Variants in BARHL1 observed in about 807,000 individuals in gnomAD.
BARHL1 encodes the protein BarH like homeobox 1, also known as barH-like 1 homeobox protein.
In BARHL1, 2 loss-of-function variants were observed where a neutral mutation model predicts 20.1. That is an observed-to-expected ratio of 0.10 (90% CI 0.04 to 0.31). The LOEUF (loss-of-function observed/expected upper bound fraction) is 0.31, where lower values mean the gene tolerates loss of function less well. Among genes scored for constraint, BARHL1 ranks in the 10% least tolerant of loss-of-function variants. The probability of loss-of-function intolerance (pLI) is 1.00; values close to 1 mark genes in which losing one functional copy is unlikely to be tolerated. For synonymous variants in BARHL1, 213 were observed against 209.9 expected, an observed-to-expected ratio of 1.01 and a Z score of -0.13; for missense variants, 397 against 454.0, an observed-to-expected ratio of 0.87 and a Z score of 1.14.
At chr9:132,585,280 G>A (rs1385098634) in intron 1 of BARHL1, among the ~76,000 whole-genome samples, 6 of 152,120 alleles carry the variant, frequency 3.9e-5, no homozygotes, top group African/African-American at 1.4e-4. Flanking sequence ...CTTGTCTGGA[G>A]CGTTTCTCAA....
chr9:132,587,289 G>GGCT lies in BARHL1; in HGVS notation c.467-37_467-35dup. 6.5e-7 allele frequency: 1 copy of GGCT among 1,538,168 alleles called. No homozygotes were observed. Among genetic ancestry groups the GGCT allele is most frequent in the South Asian group, 1.2e-5 (1 of 83,690 alleles). On this transcript the variant is annotated intron_variant, in intron 1 of 2. Transcript: ENST00000263610. The surrounding 1 kb of genome is among the most constrained non-coding windows in gnomAD (Gnocchi z 5.5). Reference sequence around the variant, plus strand: ...GCAGGAGCGGGAGGGCACCGGCGGCGGCTGCGAGGCCGGGCCCTGACATGC... The same window carrying GGCT: ...GCAGGAGCGGGAGGGCACCGGCGGCGGCTGCTGCGAGGCCGGGCCCTGACATGC...
rs1830090260 is a variant in BARHL1 at position 132,582,910 on chromosome 9, T to A, written c.113T>A (p.Leu38Gln). The change falls in exon 1 of 3, where the codon CTG becomes CAG. Residue 38 changes from leucine (L) to glutamine (Q), a missense_variant. Physicochemically the swap from Leu to Gln is moderately radical, Grantham distance 113. This residue lies in a region of BARHL1 where 272 missense variants were observed against 298.7 expected (regional missense o/e 0.91). Coordinates refer to ENST00000263610, the MANE Select transcript of BARHL1 (RefSeq NM_020064.4). ...GGGGACTGCCGTTCGCCCCTGGAGC[T>A]GAGTCCACGCTCAGAGAGCAGCAGC... is the stretch of plus-strand genomic sequence containing the variant. Reference protein sequence around the residue: ...LLGDCRSPLELSPRSESSSDC... With the variant: ...LLGDCRSPLEQSPRSESSSDC... The A allele has an allele frequency of 6.2e-7, 1 of 1,613,512 alleles. No homozygotes were observed. Among genetic ancestry groups the A allele is most frequent in the African/African-American group, 1.3e-5 (1 of 75,060 alleles).
Position 132,587,950 on chromosome 9 carries a change from G to A in BARHL1, c.689+399G>A, listed in dbSNP as rs1179048733. On this transcript the variant is annotated intron_variant, in intron 2 of 2. Coordinates refer to ENST00000263610, the MANE Select transcript of BARHL1 (RefSeq NM_020064.4). The surrounding 1 kb of genome is among the most constrained non-coding windows in gnomAD (Gnocchi z 5.5). ...TTGATGCCCAGGAAGCCTGTGAAGA[G>A]GACGGCCAGGCAGTGGCCCTTGGGG... 6.6e-6 allele frequency among the ~76,000 whole-genome samples: 1 copy of A among 152,234 alleles called. No individual in the cohort carries two copies. The highest frequency in any genetic ancestry group is 2.4e-5 in the African/African-American group (1 of 41,452).
At chr9:132,583,492 G>C (rs987487485) in intron 1 of BARHL1, among the ~76,000 whole-genome samples, 2 of 152,194 alleles carry the variant, frequency 1.3e-5, no homozygotes, top group Admixed American at 1.3e-4. Flanking sequence ...CTGCGTGCCC[G>C]AGAGGAGATT....
chr9:132,589,829 T>G lies in BARHL1; in HGVS notation c.*307T>G. The stretch of plus-strand genomic sequence containing the variant: ...CACCCCCAGCCTCTGCCGGCTCCCC[T>G]AGGCAACCCCTTTCTCCCCAGGAGC... On this transcript the variant is annotated 3_prime_UTR_variant, in exon 3 of 3. Coordinates refer to ENST00000263610, the MANE Select transcript of BARHL1 (RefSeq NM_020064.4). 7.8e-6 allele frequency: 2 copies of G among 258,054 alleles called. No homozygotes were observed. Among genetic ancestry groups the G allele is most frequent in the East Asian group, 7.4e-5 (1 of 13,582 alleles). 16.0% of individuals were successfully genotyped at this position (258,054 alleles called of 1,614,324 possible).
rs1830089877 is a variant in BARHL1 at position 132,582,875 on chromosome 9, C to A, written c.78C>A (p.Asp26Glu). 4.3e-6 allele frequency: 7 copies of A among 1,612,860 alleles called. No individual in the cohort carries two copies. Among genetic ancestry groups the A allele is most frequent in the Non-Finnish European group, 5.9e-6 (7 of 1,179,894 alleles). Reference sequence around the variant, plus strand: ...GCAGCCCCGCCCTTCCCAAGGGGGACCCCTTGCTCGGGGACTGCCGTTCGC... The same window carrying A: ...GCAGCCCCGCCCTTCCCAAGGGGGAACCCTTGCTCGGGGACTGCCGTTCGC... ...RAGSPALPKGDPLLGDCRSPL... is the reference protein window; with the variant it reads ...RAGSPALPKGEPLLGDCRSPL... Residue 26 changes from aspartate (D) to glutamate (E), a missense_variant, in exon 1 of 3, where the codon GAC becomes GAA. Physicochemically the swap from Asp to Glu is conservative, Grantham distance 45 (BLOSUM62 2). Transcript: ENST00000263610.
chr9:132,587,177 C>T lies in BARHL1; in HGVS notation c.467-152C>T. 1.3e-6 allele frequency: 1 copy of T among 776,310 alleles called. No homozygotes were observed. The highest frequency in any genetic ancestry group is 2.5e-5 in the Admixed American group (1 of 40,410). 48.1% of individuals were successfully genotyped at this position (776,310 alleles called of 1,614,324 possible). On this transcript the variant is annotated intron_variant, in intron 1 of 2. Transcript: ENST00000263610. This position sits in a 1 kb window ranked among gnomAD's most constrained non-coding sequence, Gnocchi z 5.5. ...GGTTCATGTCCTGTTCCCGGGGCCC[C>T]AGAGGTCCCGTCTGAGAGCGGCCCC...
intron 1 of BARHL1, among the ~76,000 whole-genome samples, chr9:132,584,942 A>G (rs532439184): frequency 1.4e-3 from 208 of 152,328 alleles, no homozygotes; most frequent in Non-Finnish European, 2.2e-3. Flanking sequence ...TGCAACAAGA[A>G]CGGCCCCGCT....
rs1170180581 is a variant in BARHL1, at chr9:132,582,919, G to A, written c.122G>A (p.Arg41His). 2.5e-6 allele frequency: 4 copies of A among 1,613,534 alleles called. No homozygotes were observed. The South Asian group carries it at 3.3e-5, about 13-fold the overall frequency. The change falls in exon 1 of 3, where the codon CGC becomes CAC. Residue 41 changes from arginine to histidine, a missense_variant. By Grantham distance (29) the Arg-to-His change is conservative. Around this residue, in one of 3 missense-constraint regions of BARHL1, gnomAD observed 272 missense variants for 298.7 expected, o/e 0.91. Coordinates refer to ENST00000263610, the MANE Select transcript of BARHL1 (RefSeq NM_020064.4). Reference protein sequence around the residue: ...DCRSPLELSPRSESSSDCSSP... With the variant: ...DCRSPLELSPHSESSSDCSSP... Reference sequence around the variant, plus strand: ...CGTTCGCCCCTGGAGCTGAGTCCACGCTCAGAGAGCAGCAGCGACTGCTCT... The same window carrying A: ...CGTTCGCCCCTGGAGCTGAGTCCACACTCAGAGAGCAGCAGCGACTGCTCT...
rs541947041 is a variant in BARHL1, at chr9:132,587,904, G to A, written c.689+353G>A. Among the ~76,000 whole-genome samples the A allele has an allele frequency of 1.2e-3, 184 of 152,334 alleles. No homozygotes were observed. The highest frequency in any genetic ancestry group is 2.0e-3 in the Admixed American group (31 of 15,312). ...CCAGCGTGGGTCTTGGAAGCCCCAGGCCCTTGGAGGGGTGACAGTCTTGAT... is the reference window on the plus strand; with the variant it reads ...CCAGCGTGGGTCTTGGAAGCCCCAGACCCTTGGAGGGGTGACAGTCTTGAT... On this transcript the variant is annotated intron_variant, in intron 2 of 2. Transcript: ENST00000263610. This position sits in a 1 kb window ranked among gnomAD's most constrained non-coding sequence, Gnocchi z 5.5.
chr9:132,589,741 C>T lies in BARHL1; in HGVS notation c.*219C>T. 2 of 563,362 alleles carry T rather than the reference C, an allele frequency of 3.6e-6. No individual in the cohort carries two copies. Among genetic ancestry groups the T allele is most frequent in the Non-Finnish European group, 5.1e-6 (2 of 389,692 alleles). The allele number at this position is 563,362 out of a possible 1,614,324, so 34.9% of individuals were successfully genotyped here. On this transcript the variant is annotated 3_prime_UTR_variant, in exon 3 of 3. Transcript: ENST00000263610. Reference sequence around the variant, plus strand: ...CAGCCCCCCTCGGCGTCCTCTCTCGCGGCCGCTCTGTCCGGGAGCCATCCC... The same window carrying T: ...CAGCCCCCCTCGGCGTCCTCTCTCGTGGCCGCTCTGTCCGGGAGCCATCCC...
rs368358949 is a variant in BARHL1, at chr9:132,587,474, C to T, written c.612C>T (p.Ser204=). The part of the protein sequence containing the change: ...ERSFERQKYL[S]VQDRMELAAS... ...GCTTCGAGCGGCAGAAGTACCTGAG[C>T]GTGCAGGACCGCATGGAGCTCGCCG... Residue 204 remains serine (S), a synonymous_variant, in exon 2 of 3, where the codon AGC becomes AGT. Transcript: ENST00000263610. The surrounding 1 kb of genome is among the most constrained non-coding windows in gnomAD (Gnocchi z 5.5). The T allele has an allele frequency of 9.2e-5, 148 of 1,612,340 alleles. No homozygotes were observed. Among genetic ancestry groups the T allele is most frequent in the South Asian group, 2.1e-4 (19 of 90,780 alleles).
chr9:132,587,374 C>T lies in BARHL1; in HGVS notation c.512C>T (p.Pro171Leu), dbSNP rs771745009. ...GAGATCTCCAGCTCCAGGGACAGTC[C>T]CCCGGTGCGCCTGAAAAAGCCACGC... ...DREISSSRDS[P>L]PVRLKKPRKA... The change falls in exon 2 of 3, where the codon CCC (proline) becomes CTC (leucine). Residue 171 changes from proline to leucine, a missense_variant. Physicochemically the swap from Pro to Leu is moderately conservative, Grantham distance 98. Transcript: ENST00000263610. The surrounding 1 kb of genome is among the most constrained non-coding windows in gnomAD (Gnocchi z 5.5). 7 of 1,611,326 alleles carry T rather than the reference C, an allele frequency of 4.3e-6. No individual in the cohort carries two copies. The African/African-American group carries it at 9.3e-5, about 22-fold the overall frequency.
intron 1 of BARHL1, among the ~76,000 whole-genome samples, chr9:132,585,562 C>T (rs548235289): frequency 2.6e-5 from 4 of 152,316 alleles, no homozygotes; most frequent in African/African-American, 9.6e-5. Context: ...AGAACCCAAA[C>T]CAGAGTTTTG....
In BARHL1 at chr9:132,587,109, G is replaced by C. The variant is rs1039767707; in HGVS notation, c.467-220G>C. 1.3e-5 allele frequency among the ~76,000 whole-genome samples: 2 copies of C among 152,236 alleles called. No individual in the cohort carries two copies. The highest frequency in any genetic ancestry group is 4.1e-4 in the South Asian group (2 of 4,836). On this transcript the variant is annotated intron_variant, in intron 1 of 2. Coordinates refer to ENST00000263610, the MANE Select transcript of BARHL1 (RefSeq NM_020064.4). The surrounding 1 kb of genome is among the most constrained non-coding windows in gnomAD (Gnocchi z 5.5). The stretch of plus-strand genomic sequence containing the variant: ...CTTTCTCCCCGGAGCTGCCCGGGGG[G>C]TCTCGGCCTCGGGCGCTCCCGCCGC...
At position 132,589,388 on chromosome 9, in the gene BARHL1, A is replaced by G. The variant is rs1830181936; in HGVS notation, c.850A>G (p.Ser284Gly). Residue 284 changes from serine to glycine, a missense_variant, in exon 3 of 3, where the codon AGC (serine) becomes GGC (glycine). By Grantham distance (56) the Ser-to-Gly change is moderately conservative. Around this residue, in one of 3 missense-constraint regions of BARHL1, gnomAD observed 121 missense variants for 135.9 expected, o/e 0.89. Transcript: ENST00000263610. ...GAALYLYRGPSAPPPALQRPL... is the reference protein window; with the variant it reads ...GAALYLYRGPGAPPPALQRPL... ...GGCGCTCTACCTGTACCGCGGCCCCAGCGCGCCGCCGCCTGCTCTCCAGAG... is the reference window on the plus strand; with the variant it reads ...GGCGCTCTACCTGTACCGCGGCCCCGGCGCGCCGCCGCCTGCTCTCCAGAG... The G allele has an allele frequency of 6.2e-7, 1 of 1,612,382 alleles. No individual in the cohort carries two copies. The highest frequency in any genetic ancestry group is 1.3e-5 in the African/African-American group (1 of 74,856).
rs1015080616 is a variant in BARHL1 at position 132,583,054 on chromosome 9, C to T, written c.257C>T (p.Pro86Leu). 5.0e-6 allele frequency: 8 copies of T among 1,613,866 alleles called. 1 individual carries two copies. The highest frequency in any genetic ancestry group is 4.4e-5 in the South Asian group (4 of 91,088). ...CTGCAGCCCGGGCAGCTCTCAGCCC[C>T]GGCCCAGTCGCGCACCGTCACCTCC... ...SHLQPGQLSA[P>L]AQSRTVTSSF... is the part of the protein sequence containing the mutation. Residue 86 changes from proline to leucine, a missense_variant, in exon 1 of 3, where the codon CCG (proline) becomes CTG (leucine). This residue lies in a region of BARHL1 where 272 missense variants were observed against 298.7 expected (regional missense o/e 0.91). Coordinates refer to ENST00000263610, the MANE Select transcript of BARHL1 (RefSeq NM_020064.4).
At position 132,587,385 on chromosome 9, in the gene BARHL1, C is replaced by T; in HGVS notation, c.523C>T (p.Leu175=). 1 of 1,612,090 alleles carries T rather than the reference C, an allele frequency of 6.2e-7. No individual in the cohort carries two copies. Among genetic ancestry groups the T allele is most frequent in the Non-Finnish European group, 8.5e-7 (1 of 1,179,650 alleles). ...SSSRDSPPVR[L]KKPRKARTAF... is the part of the protein sequence containing the mutation. ...CTCCAGGGACAGTCCCCCGGTGCGC[C>T]TGAAAAAGCCACGCAAGGCGCGCAC... Residue 175 remains leucine (L), a synonymous_variant, in exon 2 of 3, where the codon CTG becomes TTG. Transcript: ENST00000263610. The surrounding 1 kb of genome is among the most constrained non-coding windows in gnomAD (Gnocchi z 5.5).
Position 132,589,228 on chromosome 9 carries a change from G to A in BARHL1, c.690G>A (p.Arg230=). 1.9e-6 allele frequency: 3 copies of A among 1,610,534 alleles called. No individual in the cohort carries two copies. Among genetic ancestry groups the A allele is most frequent in the Non-Finnish European group, 1.7e-6 (2 of 1,178,680 alleles). ...CATACGCGTTTATTTCGGCCCCCAGGACTAAATGGAAGCGACAGACGGCCG... is the reference window on the plus strand; with the variant it reads ...CATACGCGTTTATTTCGGCCCCCAGAACTAAATGGAAGCGACAGACGGCCG... ...TQVKTWYQNR[R]TKWKRQTAVG... The change falls in exon 3 of 3, where the codon AGG becomes AGA. Residue 230 remains arginine (R), a splice_region_variant and synonymous_variant. Coordinates refer to ENST00000263610, the MANE Select transcript of BARHL1 (RefSeq NM_020064.4).
Sources: allele counts gnomAD v4.1 joint callset (sites outside exome capture counted in the v4.1 genomes callset), GRCh38; gene constraint gnomAD v4.1.1; regional missense constraint gnomAD v4.1.1; non-coding constraint Gnocchi (gnomAD v3.1); transcripts MANE v1.5; gene names NCBI Gene and HGNC (gene_info 2026-07-23, HGNC 2026-07-21).